Variants in PRKG1 observed in about 807,000 individuals in gnomAD.
PRKG1 encodes cGMP-dependent protein kinase 1.
Under a neutral mutation model 88.1 loss-of-function variants are expected in PRKG1, and 35 were observed. The ratio of observed to expected loss-of-function variants is 0.40; its 90% confidence interval spans 0.30 to 0.53. PRKG1 has a LOEUF of 0.53. PRKG1 is among the 20% of genes least tolerant of loss of function. The pLI, the probability that PRKG1 is intolerant of heterozygous loss-of-function variation, is 0.59. For missense variants in PRKG1, 540 were observed against 839.8 expected, an observed-to-expected ratio of 0.64 and a Z score of 4.41; for synonymous variants, 303 against 292.5, an observed-to-expected ratio of 1.04 and a Z score of -0.37.
intron 3 of PRKG1, among the ~76,000 whole-genome samples, chr10:51,562,943 A>ATTATTTTTATTT (rs57244084): frequency 8.8e-6 from 1 of 113,262 alleles, no homozygotes; most frequent in Non-Finnish European, 1.9e-5. Context: ...TATTTTTTTT[A>ATTATTTTTATTT]TTATTTTTAT....
intron 3 of PRKG1, among the ~76,000 whole-genome samples, chr10:51,599,710 T>C (rs1451219348): frequency 6.6e-6 from 1 of 152,204 alleles, no homozygotes; most frequent in Admixed American, 6.5e-5. Context: ...TATATTAGTC[T>C]TTTACCATTA....
chr10:51,484,641 A>G (rs1840476797), intron 3 of PRKG1, among the ~76,000 whole-genome samples: 2 of 152,126 alleles, frequency 1.3e-5, no homozygotes, highest in African/African-American at 4.8e-5. Context: ...TTTATTGAGC[A>G]CCTACTATCT....
At chr10:51,861,151 G>A (rs1840863351) in intron 4 of PRKG1, among the ~76,000 whole-genome samples, 1 of 152,186 alleles carries the variant, frequency 6.6e-6, no homozygotes, top group Non-Finnish European at 1.5e-5. Context: ...GCAAAGTTAA[G>A]TGGCAAACAT....
chr10:51,815,221 T>C (rs10823642), intron 4 of PRKG1, among the ~76,000 whole-genome samples: 32,622 of 152,130 alleles, frequency 0.21, 5,626 homozygotes, highest in African/African-American at 0.48. Context: ...TTGAACCTTA[T>C]AAATCTTTCC....
At position 51,051,885 on chromosome 10, in the gene PRKG1, A is replaced by G. The variant is rs141120241; in HGVS notation, c.266+60241A>G. Among the ~76,000 whole-genome samples the G allele has an allele frequency of 5.9e-3, 894 of 152,276 alleles. 4 individuals are homozygous for G. Among genetic ancestry groups the G allele is most frequent in the Non-Finnish European group, 8.9e-3 (606 of 67,986 alleles). ...GCTTAAGAAAAATCGATTCAGGATGATAATACCACAAGTAAATATTAACCC... is the reference window on the plus strand; with the variant it reads ...GCTTAAGAAAAATCGATTCAGGATGGTAATACCACAAGTAAATATTAACCC... On this transcript the variant is annotated intron_variant, in intron 1 of 17. Transcript: ENST00000401604.
At chr10:52,171,941 T>C (rs555934998) in intron 9 of PRKG1, among the ~76,000 whole-genome samples, 4 of 150,876 alleles carry the variant, frequency 2.7e-5, no homozygotes, top group East Asian at 2.0e-4. Flanking sequence ...TAGCTGGGAC[T>C]ACAGGCGCCC....
chr10:52,198,450 C>G (rs550345211), intron 9 of PRKG1, among the ~76,000 whole-genome samples: 1 of 151,876 alleles, frequency 6.6e-6, no homozygotes, highest in Non-Finnish European at 1.5e-5. Flanking sequence ...TTGTAATGGC[C>G]GAGAATGACT....
At chr10:52,104,186 G>A (rs1170451803) in intron 7 of PRKG1, among the ~76,000 whole-genome samples, 2 of 151,448 alleles carry the variant, frequency 1.3e-5, no homozygotes, top group Non-Finnish European at 2.9e-5. Context: ...CTTATTTTAT[G>A]TACATAGGAA....
chr10:52,171,081 G>A (rs1204389882), intron 9 of PRKG1, among the ~76,000 whole-genome samples: 1 of 147,028 alleles, frequency 6.8e-6, no homozygotes, highest in Admixed American at 6.8e-5. Context: ...AGGGGTTGCT[G>A]TTTTGAACAT....
At chr10:51,144,276 T>A (rs1845888031) in intron 1 of PRKG1, among the ~76,000 whole-genome samples, 1 of 152,130 alleles carries the variant, frequency 6.6e-6, no homozygotes, top group Non-Finnish European at 1.5e-5. Context: ...TTATTCAAAT[T>A]GTCAGTGAAA....
intron 2 of PRKG1, among the ~76,000 whole-genome samples, chr10:51,402,241 A>G (rs4935247): frequency 0.12 from 19,005 of 152,252 alleles, 1,412 homozygotes; most frequent in Admixed American, 0.24. Flanking sequence ...TTATTATGCT[A>G]TAAGTCATAG....
In PRKG1 at chr10:51,584,847, G is replaced by A. The variant is rs538870401; in HGVS notation, c.592+117011G>A. Among the ~76,000 whole-genome samples, 22 of 152,162 alleles carry A rather than the reference G, an allele frequency of 1.4e-4. No homozygotes were observed. In the South Asian group the frequency reaches 4.6e-3, roughly 32 times the overall value. On this transcript the variant is annotated intron_variant, in intron 3 of 17. Coordinates refer to ENST00000373980, the MANE Select transcript of PRKG1 (RefSeq NM_006258.4). ...TTTACCAAGCTACTTTCTTTCTGCA[G>A]CATCATATAACCTACCAGTTAAAAC...
intron 3 of PRKG1, among the ~76,000 whole-genome samples, chr10:51,571,344 C>T (rs917160570): frequency 2.6e-5 from 4 of 151,894 alleles, no homozygotes; most frequent in African/African-American, 7.2e-5. Context: ...ACTGTCTCAA[C>T]ATTATGATTT....
At chr10:51,048,560 A>C (rs1204048939) in intron 1 of PRKG1, among the ~76,000 whole-genome samples, 3 of 152,176 alleles carry the variant, frequency 2.0e-5, no homozygotes. Flanking sequence ...TGGTGCAACT[A>C]CACCCACTTC....
chr10:51,803,384 G>T (rs149998583), intron 3 of PRKG1, among the ~76,000 whole-genome samples: 1 of 152,002 alleles, frequency 6.6e-6, no homozygotes, highest in Admixed American at 6.6e-5. Context: ...CAGCTTAAAT[G>T]TTGCAAGAAA....
At chr10:51,669,822 T>C (rs1032770748) in intron 3 of PRKG1, among the ~76,000 whole-genome samples, 1 of 152,222 alleles carries the variant, frequency 6.6e-6, no homozygotes, top group African/African-American at 2.4e-5. Flanking sequence ...AAATGTTCCA[T>C]GCATGCTTTA....
intron 5 of PRKG1, among the ~76,000 whole-genome samples, chr10:51,917,424 T>C (rs548721523): frequency 2.7e-3 from 404 of 152,196 alleles, no homozygotes; most frequent in Non-Finnish European, 4.7e-3. Flanking sequence ...CCGAAAACCA[T>C]TGAATTTATT....
intron 5 of PRKG1, among the ~76,000 whole-genome samples, chr10:51,912,898 C>G (rs1292238742): frequency 6.6e-6 from 1 of 151,622 alleles, no homozygotes; most frequent in Non-Finnish European, 1.5e-5. Flanking sequence ...GGCATTATTA[C>G]TATTGTTTTA....
chr10:51,407,148 G>A (rs1837943400), intron 2 of PRKG1, among the ~76,000 whole-genome samples: 1 of 151,998 alleles, frequency 6.6e-6, no homozygotes, highest in South Asian at 2.1e-4. Flanking sequence ...ATCTCCTTTG[G>A]CAACACCCTC....
Sources: allele counts gnomAD v4.1 joint callset (sites outside exome capture counted in the v4.1 genomes callset), GRCh38; gene constraint gnomAD v4.1.1; transcripts MANE v1.5; gene names NCBI Gene and HGNC (gene_info 2026-07-23, HGNC 2026-07-21).